ZFP1: variants seen among roughly 807,000 people sequenced by gnomAD.
ZFP1 encodes ZFP1 zinc finger protein, also known as zinc finger protein 1 homolog.
Under a neutral mutation model 38.5 loss-of-function variants are expected in ZFP1, and 32 were observed. The observed-to-expected ratio is 0.83, with a 90% CI of 0.63 to 1.12. The LOEUF is 1.12. ZFP1 is among the 50% of genes most tolerant of loss of function. The probability of loss-of-function intolerance (pLI) is 0.00; values close to 1 mark genes in which losing one functional copy is unlikely to be tolerated. For missense variants in ZFP1, 616 were observed against 480.8 expected (o/e 1.28, Z -2.63); for synonymous variants, 245 against 168.8 (o/e 1.45, Z -3.50).
upstream of ZFP1, chr16:75,148,470 C>G (rs1000148973): frequency 6.6e-6 from 1 of 152,268 alleles, no homozygotes; most frequent in African/African-American, 2.4e-5. Flanking sequence ...ACCCTGGGAA[C>G]GGCCCGCGCC....
intron 1 of ZFP1, 40 bp from the exon 2 acceptor site, chr16:75,152,869 G>T (rs2037277556): frequency 1.3e-6 from 2 of 1,587,952 alleles, no homozygotes; most frequent in Admixed American, 1.7e-5. Flanking sequence ...AGGCAGGTCA[G>T]ACCTTTAATA....
chr16:75,126,864 C>G, the ZFP1 span, among the ~76,000 whole-genome samples: 1 of 151,974 alleles, frequency 6.6e-6, no homozygotes, highest in African/African-American at 2.4e-5. Flanking sequence ...CTCTAAAATC[C>G]AAAAATGACA....
chr16:75,139,878 G>A, the ZFP1 span, among the ~76,000 whole-genome samples: 1 of 152,212 alleles, frequency 6.6e-6, no homozygotes, highest in Admixed American at 6.5e-5. Flanking sequence ...GGGGATAGTT[G>A]CGCGATATTG....
At chr16:75,149,574 T>G (rs2037078782) in intron 1 of ZFP1, among the ~76,000 whole-genome samples, 1 of 147,084 alleles carries the variant, frequency 6.8e-6, no homozygotes, top group African/African-American at 2.5e-5. Context: ...TTTTTTTTTT[T>G]TTTGAGACGG....
the ZFP1 span, among the ~76,000 whole-genome samples, chr16:75,135,393 A>C: frequency 6.6e-6 from 1 of 152,224 alleles, no homozygotes; most frequent in African/African-American, 2.4e-5. Flanking sequence ...GATAGAAGTC[A>C]GTCTCAAAAG....
chr16:75,166,678 A>G, intron 2 of ZFP1, 92 bp from the exon 3 acceptor site: 1 of 1,599,824 alleles, frequency 6.3e-7, no homozygotes, highest in South Asian at 1.1e-5. Context: ...TGTAATATAT[A>G]GATTTTCATG....
At chr16:75,129,969 G>A in the ZFP1 span, among the ~76,000 whole-genome samples, 2 of 152,168 alleles carry the variant, frequency 1.3e-5, no homozygotes, top group Admixed American at 6.5e-5. Flanking sequence ...AGACAAGTGT[G>A]TGGTTTGACC....
the ZFP1 span, among the ~76,000 whole-genome samples, chr16:75,123,124 C>T: frequency 8.1e-3 from 1,231 of 151,648 alleles, 11 homozygotes; most frequent in Non-Finnish European, 0.013. Flanking sequence ...GAGGACAAGG[C>T]GAGTGGATCA....
the ZFP1 span, among the ~76,000 whole-genome samples, chr16:75,127,558 A>G: frequency 1.3e-5 from 2 of 152,078 alleles, no homozygotes; most frequent in Non-Finnish European, 2.9e-5. Context: ...TGGCCTCAAG[A>G]GATCCGCTGG....
chr16:75,166,668 T>C, intron 2 of ZFP1, 102 bp from the exon 3 acceptor site: 2 of 1,588,572 alleles, frequency 1.3e-6, no homozygotes, highest in Non-Finnish European at 1.7e-6. Context: ...GTATCGTTGG[T>C]GTAATATATA....
intron 3 of ZFP1, 165 bp downstream of exon 3, chr16:75,167,061 C>G (rs2038129206): frequency 1.5e-6 from 2 of 1,324,614 alleles, no homozygotes; most frequent in Non-Finnish European, 2.0e-6. Context: ...ATCTCCTTTC[C>G]TTTAAGGCTT....
chr16:75,154,615 T>TTTTTTTTG, intron 2 of ZFP1, among the ~76,000 whole-genome samples: 1 of 148,926 alleles, frequency 6.7e-6, no homozygotes. Flanking sequence ...AGCGGAAAGT[T>TTTTTTTTG]TAATAGGCAA....
intron 2 of ZFP1, among the ~76,000 whole-genome samples, chr16:75,163,405 G>A (rs893572743): frequency 2.0e-5 from 3 of 151,328 alleles, no homozygotes; most frequent in Non-Finnish European, 2.9e-5. Flanking sequence ...TTTGCCTCCC[G>A]GGTTCAAGCA....
chr16:75,166,744 G>C (rs1349722165), intron 2 of ZFP1, 26 bp from the exon 3 acceptor site: 4 of 1,614,032 alleles, frequency 2.5e-6, no homozygotes, highest in Non-Finnish European at 3.4e-6. Flanking sequence ...GATCATCTTA[G>C]GATGAATAAC....
At chr16:75,165,228 G>A (rs2870465) in intron 2 of ZFP1, among the ~76,000 whole-genome samples, 136,026 of 152,264 alleles carry the variant, frequency 0.89, 60,898 homozygotes, top group African/African-American at 0.91. Context: ...AGCCTGAAAA[G>A]GAAAAATCTA....
the ZFP1 span, chr16:75,127,950 T>A: frequency 1.3e-5 from 2 of 152,258 alleles, no homozygotes; most frequent in Admixed American, 1.3e-4. Flanking sequence ...TGGAAACTAT[T>A]TGTGAGTATT....
Position 75,170,239 on chromosome 16 carries a change from G to T in ZFP1, c.1129G>T (p.Glu377Ter). 6.2e-7 allele frequency: 1 copy of T among 1,614,158 alleles called. No individual in the cohort carries two copies. The highest frequency in any genetic ancestry group is 1.1e-5 in the South Asian group (1 of 91,074). The stretch of plus-strand genomic sequence containing the variant: ...ATTACACTTGCGAATCCACACAGGA[G>T]AGAAACCATATGAGTGTTCCGAATG... ...LRLHLRIHTG[E>*]KPYECSECGK... is the part of the protein sequence containing the mutation. The change falls in exon 4 of 4, where the codon GAG becomes TAG. Residue 377 changes from glutamate (E) to a stop codon, truncating the protein, a stop_gained. Transcript: ENST00000570010. LOFTEE classifies it high-confidence loss of function.
chr16:75,122,374 G>C, the ZFP1 span, among the ~76,000 whole-genome samples: 29 of 152,320 alleles, frequency 1.9e-4, no homozygotes, highest in South Asian at 5.8e-3. Flanking sequence ...GGATGAATCA[G>C]GACAGAGTAG....
At chr16:75,145,157 G>A (rs1213610346), upstream of ZFP1, among the ~76,000 whole-genome samples, 4 of 152,212 alleles carry the variant, frequency 2.6e-5, no homozygotes, top group African/African-American at 9.6e-5. Flanking sequence ...ATGCTGCTAT[G>A]AACATTGGTG....
Sources: allele counts gnomAD v4.1 joint callset (sites outside exome capture counted in the v4.1 genomes callset), GRCh38; gene constraint gnomAD v4.1.1; transcripts MANE v1.5; gene names NCBI Gene and HGNC (gene_info 2026-07-23, HGNC 2026-07-21).